The following CNTN5 variants were observed in gnomAD, a reference collection of about 807,000 sequenced individuals.
The protein encoded by CNTN5 is contactin-5.
In CNTN5, 77 loss-of-function variants were observed where a neutral mutation model predicts 129.1. The observed-to-expected ratio is 0.60, with a 90% confidence interval of 0.50 to 0.72. The LOEUF (loss-of-function observed/expected upper bound fraction) is 0.72, where lower values mean the gene tolerates loss of function less well. CNTN5 is among the 30% of genes least tolerant of loss of function. CNTN5 has a pLI of 0.00. For missense variants in CNTN5, 1,478 were observed against 1,328.8 expected, an observed-to-expected ratio of 1.11 and a Z score of -1.75; for synonymous variants, 509 against 465.6, an observed-to-expected ratio of 1.09 and a Z score of -1.20.
At chr11:99,992,626 G>T (rs182750554) in intron 8 of CNTN5, among the ~76,000 whole-genome samples, 3 of 152,138 alleles carry the variant, frequency 2.0e-5, no homozygotes, top group Admixed American at 2.0e-4. Context: ...GAACTCTGTT[G>T]CCTGAAATTT....
At chr11:99,161,038 C>T (rs2135513901) in intron 1 of CNTN5, among the ~76,000 whole-genome samples, 1 of 152,178 alleles carries the variant, frequency 6.6e-6, no homozygotes, top group South Asian at 2.1e-4. Flanking sequence ...GTGACAGAAA[C>T]TGAGTGTAGA....
chr11:100,165,066 T>G (rs1287514039), intron 13 of CNTN5, among the ~76,000 whole-genome samples: 1 of 151,454 alleles, frequency 6.6e-6, no homozygotes, highest in East Asian at 1.9e-4. Context: ...TGCATCAAAG[T>G]GAATGGGAGG....
chr11:99,557,895 T>C (rs1948724692), intron 3 of CNTN5, among the ~76,000 whole-genome samples: 1 of 151,754 alleles, frequency 6.6e-6, no homozygotes, highest in Non-Finnish European at 1.5e-5. Context: ...TTACAAGATA[T>C]ATAAAAGCCT....
At chr11:99,036,910 T>G (rs111314798) in intron 1 of CNTN5, among the ~76,000 whole-genome samples, 6 of 152,202 alleles carry the variant, frequency 3.9e-5, no homozygotes, top group Non-Finnish European at 7.4e-5. Context: ...TCCTAGTCCC[T>G]TTACATATTA....
intron 3 of CNTN5, among the ~76,000 whole-genome samples, chr11:99,809,904 A>T (rs1946380055): frequency 6.6e-6 from 1 of 152,160 alleles, no homozygotes; most frequent in Non-Finnish European, 1.5e-5. Context: ...ATCTTTAATT[A>T]TCCAAAACAA....
chr11:100,288,123 CT>C (rs1189860372), intron 18 of CNTN5, among the ~76,000 whole-genome samples: 1 of 152,060 alleles, frequency 6.6e-6, no homozygotes, highest in Non-Finnish European at 1.5e-5. Flanking sequence ...GCTTAGTGAC[CT>C]ACAAAGAGAC....
intron 17 of CNTN5, among the ~76,000 whole-genome samples, chr11:100,263,796 G>C (rs1342261116): frequency 6.6e-6 from 1 of 152,058 alleles, no homozygotes; most frequent in Non-Finnish European, 1.5e-5. Flanking sequence ...TTCAGATCTG[G>C]TGTTGTGCAC....
chr11:99,166,232 G>A (rs927038749), intron 1 of CNTN5, among the ~76,000 whole-genome samples: 3 of 151,760 alleles, frequency 2.0e-5, no homozygotes, highest in Non-Finnish European at 4.4e-5. Flanking sequence ...GAAATTCCAT[G>A]TCTACTAAAT....
chr11:99,438,156 C>T (rs1198583719), intron 2 of CNTN5, among the ~76,000 whole-genome samples: 5 of 152,134 alleles, frequency 3.3e-5, no homozygotes, highest in Non-Finnish European at 7.4e-5. Context: ...TTAAGATGTA[C>T]TTCAACTTTA....
chr11:99,754,294 C>T (rs1444291241), intron 3 of CNTN5, among the ~76,000 whole-genome samples: 1 of 152,168 alleles, frequency 6.6e-6, no homozygotes, highest in African/African-American at 2.4e-5. Flanking sequence ...AAGGAATATA[C>T]ACATTTCTGT....
chr11:99,207,266 C>T (rs571852104), intron 1 of CNTN5, among the ~76,000 whole-genome samples: 1 of 152,258 alleles, frequency 6.6e-6, no homozygotes, highest in East Asian at 1.9e-4. Flanking sequence ...GCATGTACCA[C>T]ATACAATAAT....
rs77337877 is a variant in CNTN5 at position 100,297,773 on chromosome 11, A to C, written c.2385+78A>C. On this transcript the variant is annotated intron_variant, in intron 19 of 24. Coordinates refer to ENST00000524871, the MANE Select transcript of CNTN5 (RefSeq NM_014361.4). The stretch of plus-strand genomic sequence containing the variant: ...TGTGATATTTAATTATTTTATGATT[A>C]AGCAGTCCACTTGATTCATTTAGAG... The C allele has an allele frequency of 2.7e-3, 3,051 of 1,116,752 alleles. 68 individuals are homozygous for C. In the African/African-American group the frequency reaches 0.04, roughly 15 times the overall value. 69.2% of individuals were successfully genotyped at this position (1,116,752 alleles called of 1,614,324 possible).
At chr11:99,260,219 A>G (rs1862565111) in intron 1 of CNTN5, among the ~76,000 whole-genome samples, 1 of 151,744 alleles carries the variant, frequency 6.6e-6, no homozygotes, top group Non-Finnish European at 1.5e-5. Context: ...ACATGTAAGC[A>G]TTTCATTCAT....
intron 7 of CNTN5, among the ~76,000 whole-genome samples, chr11:99,954,997 T>A (rs1425799780): frequency 6.6e-6 from 1 of 152,124 alleles, no homozygotes; most frequent in Non-Finnish European, 1.5e-5. Context: ...ACAAATATCA[T>A]CTGTGTAACA....
At chr11:99,388,272 G>A (rs146222872) in intron 2 of CNTN5, among the ~76,000 whole-genome samples, 4,452 of 151,686 alleles carry the variant, frequency 0.029, 206 homozygotes, top group African/African-American at 0.1. Flanking sequence ...AAAATTAGCC[G>A]AGCATGGTGG....
chr11:99,473,260 A>AT (rs2135282404), intron 2 of CNTN5, among the ~76,000 whole-genome samples: 1 of 152,224 alleles, frequency 6.6e-6, no homozygotes, highest in African/African-American at 2.4e-5. Context: ...ATTAGGATGG[A>AT]TTTTCTTTCC....
intron 2 of CNTN5, among the ~76,000 whole-genome samples, chr11:99,436,981 A>G (rs1260708247): frequency 6.6e-6 from 1 of 152,060 alleles, no homozygotes; most frequent in African/African-American, 2.4e-5. Context: ...CCAAATTTGC[A>G]TCTTTAGCAC....
intron 2 of CNTN5, among the ~76,000 whole-genome samples, chr11:99,398,246 C>T (rs763570936): frequency 4.6e-5 from 7 of 151,796 alleles, no homozygotes; most frequent in African/African-American, 1.7e-4. Flanking sequence ...CTTACAGACT[C>T]CTTTCTTTCA....
chr11:99,861,684 C>T (rs1948211602), intron 6 of CNTN5, among the ~76,000 whole-genome samples: 1 of 152,098 alleles, frequency 6.6e-6, no homozygotes, highest in African/African-American at 2.4e-5. Context: ...AACATCAAGA[C>T]TGTGGAAGTC....
Sources: allele counts gnomAD v4.1 joint callset (sites outside exome capture counted in the v4.1 genomes callset), GRCh38; gene constraint gnomAD v4.1.1; transcripts MANE v1.5; gene names NCBI Gene and HGNC (gene_info 2026-07-23, HGNC 2026-07-21).